RSPH3: variants seen among roughly 807,000 people sequenced by gnomAD.
RSPH3 encodes radial spoke head 3.
A neutral mutation model predicts 43.8 loss-of-function variants in RSPH3; 21 were observed. The ratio of observed to expected loss-of-function variants is 0.48; its 90% confidence interval spans 0.34 to 0.69. The LOEUF is 0.69. RSPH3 is among the 30% of genes least tolerant of loss of function. The pLI, the probability that RSPH3 is intolerant of heterozygous loss-of-function variation, is 0.01. For missense variants in RSPH3, 487 were observed against 516.0 expected (o/e 0.94, Z 0.54); for synonymous variants, 173 against 179.8 (o/e 0.96, Z 0.30).
At chr6:158,992,582 C>T (rs1778452638) in intron 2 of RSPH3, among the ~76,000 whole-genome samples, 1 of 151,986 alleles carries the variant, frequency 6.6e-6, no homozygotes, top group South Asian at 2.1e-4. Flanking sequence ...GCGTGAGCCA[C>T]CACGCCTGGC....
rs757467745 is a variant in RSPH3, at chr6:158,978,296, T to C, written c.910A>G (p.Met304Val). ...PWLMNEVEKT[M>V]EYSMVGRTVL... ...GTTCTTCCCACCATGCTATATTCCA[T>C]GGTTTTTTCAACTTCATTCATTAGC... Residue 304 changes from methionine to valine, a missense_variant, in exon 7 of 8, where the codon ATG (methionine) becomes GTG (valine). Met to Val is a conservative substitution (Grantham distance 21, BLOSUM62 1). Transcript: ENST00000367069. The C allele has an allele frequency of 1.9e-6, 3 of 1,586,846 alleles. No individual in the cohort carries two copies. The highest frequency in any genetic ancestry group is 2.2e-5 in the South Asian group (2 of 90,282).
chr6:158,980,699 G>T, intron 6 of RSPH3, 75 bp downstream of exon 6: 1 of 1,194,384 alleles, frequency 8.4e-7, no homozygotes. Context: ...AAATAAAAAT[G>T]GACATAAGAT....
Position 158,989,087 on chromosome 6 carries a change from C to A in RSPH3, c.205-2666G>T, listed in dbSNP as rs767518939. ...TTTGAGACAGAGTCTCGCTCTGTCA[C>A]CCTGGCTGGAGTGCAGTGGTGTGAT... On this transcript the variant is annotated intron_variant, in intron 2 of 7. Transcript: ENST00000367069. This position sits in a 1 kb window ranked among gnomAD's most constrained non-coding sequence, Gnocchi z 4.3. Among the ~76,000 whole-genome samples the A allele has an allele frequency of 6.7e-6, 1 of 149,098 alleles. No homozygotes were observed. The highest frequency in any genetic ancestry group is 1.5e-5 in the Non-Finnish European group (1 of 67,704).
At chr6:158,963,784 G>T in the RSPH3 span, among the ~76,000 whole-genome samples, 4 of 151,872 alleles carry the variant, frequency 2.6e-5, no homozygotes, top group East Asian at 3.9e-4. Context: ...TAGAGACAGG[G>T]TCTCACTCTG....
chr6:158,964,907 T>C, the RSPH3 span, among the ~76,000 whole-genome samples: 1 of 152,156 alleles, frequency 6.6e-6, no homozygotes, highest in Non-Finnish European at 1.5e-5. Context: ...GTCACAATGT[T>C]TTACTGTTAT....
intron 1 of RSPH3, 77 bp downstream of exon 1, chr6:158,999,358 C>G: frequency 1.5e-6 from 2 of 1,359,050 alleles, no homozygotes; most frequent in Non-Finnish European, 1.9e-6. Flanking sequence ...GCTTTTTTGC[C>G]AGGGCGAAGG....
intron 1 of RSPH3, 144 bp downstream of exon 1, chr6:158,999,290 TC>T: frequency 1.5e-6 from 1 of 686,130 alleles, no homozygotes; most frequent in Non-Finnish European, 2.2e-6. Flanking sequence ...CACGGGAGAT[TC>T]CTTAGGGCAG....
chr6:158,988,101 A>T (rs970660653), intron 2 of RSPH3: 1 of 152,174 alleles, frequency 6.6e-6, no homozygotes, highest in Non-Finnish European at 1.5e-5. Flanking sequence ...TCTAGGAAAG[A>T]CTATCTCTCC....
At chr6:158,980,660 T>A (rs10455839) in intron 6 of RSPH3, 114 bp downstream of exon 6, 15,539 of 823,736 alleles carry the variant, frequency 0.019, 184 homozygotes, top group Middle Eastern at 0.025. Context: ...AAATTGACTT[T>A]GTGTCAGAAA....
At position 158,999,818 on chromosome 6, in the gene RSPH3, G is replaced by A. The variant is rs762178749; in HGVS notation, c.-268C>T. 2 of 1,613,702 alleles carry A rather than the reference G, an allele frequency of 1.2e-6. No homozygotes were observed. The highest frequency in any genetic ancestry group is 1.3e-5 in the African/African-American group (1 of 74,920). On this transcript the variant is annotated 5_prime_UTR_variant, in exon 1 of 8. Coordinates refer to ENST00000367069, the MANE Select transcript of RSPH3 (RefSeq NM_031924.8). Reference sequence around the variant, plus strand: ...AACCCAGGGTTCTGTCTGGGGGCGGGAACTCCGGGCAGTTCCGGTCCCCAG... The same window carrying A: ...AACCCAGGGTTCTGTCTGGGGGCGGAAACTCCGGGCAGTTCCGGTCCCCAG...
chr6:158,977,628 C>T lies in RSPH3; in HGVS notation c.1167G>A (p.Gln389=). The T allele has an allele frequency of 1.2e-6, 2 of 1,614,048 alleles. No individual in the cohort carries two copies. The highest frequency in any genetic ancestry group is 1.7e-6 in the Non-Finnish European group (2 of 1,180,004). The change falls in exon 8 of 8, where the codon CAG becomes CAA. Residue 389 remains glutamine, a synonymous_variant. Coordinates refer to ENST00000367069, the MANE Select transcript of RSPH3 (RefSeq NM_031924.8). Reference sequence around the variant, plus strand: ...CTCTCTCTTCCATAAACTTCCTTTCCTGGGATGACCTTCTGTCATATGTTG... The same window carrying T: ...CTCTCTCTTCCATAAACTTCCTTTCTTGGGATGACCTTCTGTCATATGTTG... ...QRTTYDRRSS[Q]ERKFMEEREL... is the part of the protein sequence containing the mutation.
chr6:158,982,085 T>C (rs1351236104), intron 5 of RSPH3, among the ~76,000 whole-genome samples: 1 of 152,182 alleles, frequency 6.6e-6, no homozygotes, highest in Non-Finnish European at 1.5e-5. Flanking sequence ...CCCTGCTTTT[T>C]ACCCACAGTC....
chr6:158,983,613 T>G lies in RSPH3; in HGVS notation c.492+49A>C, dbSNP rs200430170. 385 of 1,429,402 alleles carry G rather than the reference T, an allele frequency of 2.7e-4. No homozygotes were observed. The African/African-American group carries it at 4.9e-3, about 18-fold the overall frequency. The allele number at this position is 1,429,402 out of a possible 1,614,324, so 88.5% of individuals were successfully genotyped here. ...ATTAAGCATTATCTACACCTAACTT[T>G]ACCTCATTTATAAAGATTATAGAGG... On this transcript the variant is annotated intron_variant, in intron 4 of 7. Coordinates refer to ENST00000367069, the MANE Select transcript of RSPH3 (RefSeq NM_031924.8).
intron 2 of RSPH3, among the ~76,000 whole-genome samples, chr6:158,986,936 C>T (rs112186703): frequency 3.9e-5 from 6 of 152,312 alleles, no homozygotes; most frequent in African/African-American, 1.4e-4. Context: ...GTGTACTCTG[C>T]AGAAGATGGA....
chr6:158,978,238 A>G lies in RSPH3; in HGVS notation c.946+22T>C, dbSNP rs372220398. 650 of 1,274,458 alleles carry G rather than the reference A, an allele frequency of 5.1e-4. 1 individual carries two copies. Among genetic ancestry groups the G allele is most frequent in the Non-Finnish European group, 7.1e-4 (627 of 881,936 alleles). 78.9% of individuals were successfully genotyped at this position (1,274,458 alleles called of 1,614,324 possible). A position where few individuals can be genotyped will look rare whatever the true frequency, so the allele number is the denominator to read the frequency against. On this transcript the variant is annotated intron_variant, in intron 7 of 7. Transcript: ENST00000367069. ...TTTCTACTAAAAACTTTAGAGATGA[A>G]TTTTTGGATAAAATAACTTACTGTC...
intron 1 of RSPH3, among the ~76,000 whole-genome samples, chr6:158,994,809 A>G (rs1297168633): frequency 6.6e-6 from 1 of 152,216 alleles, no homozygotes; most frequent in Non-Finnish European, 1.5e-5. Flanking sequence ...CCCTACACCA[A>G]TAACAGTACT....
intron 1 of RSPH3, among the ~76,000 whole-genome samples, chr6:158,998,527 T>C (rs913310423): frequency 1.3e-5 from 2 of 149,784 alleles, no homozygotes; most frequent in African/African-American, 2.4e-5. Flanking sequence ...TTCCTATGTA[T>C]GTTTGAATAT....
At position 158,986,349 on chromosome 6, in the gene RSPH3, C is replaced by G. The variant is rs1278187156; in HGVS notation, c.277G>C (p.Ala93Pro). The change falls in exon 3 of 8, where the codon GCC (alanine) becomes CCC (proline). Residue 93 changes from alanine to proline, a missense_variant. Physicochemically the swap from Ala to Pro is conservative, Grantham distance 27. Transcript: ENST00000367069. ...ARKRALARKQAQEQLRPQTPE... is the reference protein window; with the variant it reads ...ARKRALARKQPQEQLRPQTPE... Reference sequence around the variant, plus strand: ...GTTTGTGGTCTGAGCTGCTCTTGGGCTTGTTTTCTGGCAAGAGCCCTCTTC... The same window carrying G: ...GTTTGTGGTCTGAGCTGCTCTTGGGGTTGTTTTCTGGCAAGAGCCCTCTTC... 6.2e-7 allele frequency: 1 copy of G among 1,614,116 alleles called. No homozygotes were observed. Among genetic ancestry groups the G allele is most frequent in the Admixed American group, 1.7e-5 (1 of 60,026 alleles).
chr6:158,997,432 C>T (rs902835706), intron 1 of RSPH3, among the ~76,000 whole-genome samples: 4 of 151,902 alleles, frequency 2.6e-5, no homozygotes, highest in African/African-American at 9.7e-5. Context: ...CCACCATGCC[C>T]GGCTACTCTC....
Sources: allele counts gnomAD v4.1 joint callset (sites outside exome capture counted in the v4.1 genomes callset), GRCh38; gene constraint gnomAD v4.1.1; non-coding constraint Gnocchi (gnomAD v3.1); transcripts MANE v1.5; gene names NCBI Gene and HGNC (gene_info 2026-07-23, HGNC 2026-07-21).